The following PLA2G3 variants were observed in gnomAD, a reference collection of about 807,000 sequenced individuals.
The protein encoded by PLA2G3 is phospholipase A2 group III.
A neutral mutation model predicts 51.3 loss-of-function variants in PLA2G3; 39 were observed. That is an observed-to-expected ratio of 0.76 (90% CI 0.59 to 0.99). PLA2G3 has a LOEUF of 0.99. PLA2G3 is among the 50% of genes least tolerant of loss of function. The pLI, the probability that PLA2G3 is intolerant of heterozygous loss-of-function variation, is 0.00. For synonymous variants in PLA2G3, 293 were observed against 263.1 expected, an observed-to-expected ratio of 1.11 and a Z score of -1.10; for missense variants, 677 against 662.1, an observed-to-expected ratio of 1.02 and a Z score of -0.25.
chr22:31,138,535 T>C, intron 2 of PLA2G3, 125 bp from the exon 3 acceptor site: 2 of 1,500,586 alleles, frequency 1.3e-6, no homozygotes, highest in South Asian at 2.4e-5. Context: ...TGGCCTCAGC[T>C]TTCCTACCTG....
Position 31,136,677 on chromosome 22 carries a change from A to G in PLA2G3, c.1316+6T>C, listed in dbSNP as rs1922582064. ...CCCCATCCCTCCTGGCTCTGACATC[A>G]CTTACTTTTTGCCTTCCACACAGTC... On this transcript the variant is annotated splice_donor_region_variant and intron_variant, in intron 6 of 6. Transcript: ENST00000215885. 3 of 1,609,746 alleles carry G rather than the reference A, an allele frequency of 1.9e-6. No homozygotes were observed. The highest frequency in any genetic ancestry group is 1.1e-5 in the South Asian group (1 of 90,896).
intron 1 of PLA2G3, 45 bp downstream of exon 1, chr22:31,139,796 C>A (rs763033876): frequency 6.3e-6 from 9 of 1,419,728 alleles, no homozygotes; most frequent in Non-Finnish European, 8.8e-6. Flanking sequence ...AGAAACCTTG[C>A]TTCCCCGATC....
chr22:31,139,430 C>T (rs939276982), intron 1 of PLA2G3, among the ~76,000 whole-genome samples: 2 of 152,158 alleles, frequency 1.3e-5, no homozygotes, highest in Non-Finnish European at 2.9e-5. Context: ...GGAAATAAGT[C>T]CAGAGAGGGG....
Position 31,140,163 on chromosome 22 carries a change from C to G in PLA2G3, c.192G>C (p.Ala64=), listed in dbSNP as rs377694018. 2 of 1,612,454 alleles carry G rather than the reference C, an allele frequency of 1.2e-6. No individual in the cohort carries two copies. Among genetic ancestry groups the G allele is most frequent in the Non-Finnish European group, 1.7e-6 (2 of 1,179,882 alleles). ...AGCTACATGACTGCAGCCTCCTATG[C>G]GCATCCCAGCGGGCATGGATCAGGG... ...GLALIHARWD[A]HRRLQSCSWE... Residue 64 remains alanine (A), a synonymous_variant, in exon 1 of 7, where the codon GCG becomes GCC. Coordinates refer to ENST00000215885, the MANE Select transcript of PLA2G3 (RefSeq NM_015715.5).
chr22:31,138,846 G>A, intron 1 of PLA2G3, 47 bp from the exon 2 acceptor site: 1 of 1,605,716 alleles, frequency 6.2e-7, no homozygotes, highest in Middle Eastern at 1.9e-4. Flanking sequence ...AGGGTCCTAG[G>A]CATCATGCAC....
chr22:31,137,567 G>T, intron 4 of PLA2G3, 143 bp downstream of exon 4: 1 of 760,318 alleles, frequency 1.3e-6, no homozygotes, highest in Non-Finnish European at 2.2e-6. Context: ...AAAATCCTGT[G>T]CTGCAGTGTG....
rs150202365 is a variant in PLA2G3, at chr22:31,135,871, C to G, written c.1382G>C (p.Arg461Pro). ...TGTGCCTTTATCCTGGAGCTGGTGT[C>G]GCCTCTGCTGAAGCCTCCGCAAGTG... ...ARHLRRLQQR[R>P]HQLQDKGTDE... Residue 461 changes from arginine to proline, a missense_variant, in exon 7 of 7, where the codon CGA becomes CCA. Coordinates refer to ENST00000215885, the MANE Select transcript of PLA2G3 (RefSeq NM_015715.5). 6 of 1,613,736 alleles carry G rather than the reference C, an allele frequency of 3.7e-6. No homozygotes were observed. In the African/African-American group the frequency reaches 5.3e-5, roughly 14 times the overall value.
In PLA2G3 at chr22:31,136,906, A is replaced by G. The variant is rs887774412; in HGVS notation, c.1199+2T>C. The stretch of plus-strand genomic sequence containing the variant: ...CCCCGCGAGGGTTCAAAGGGGCCTC[A>G]CCGGCGCGTGCAGTTGCAGTGGAAG... On this transcript the variant is annotated splice_donor_variant, in intron 5 of 6. Transcript: ENST00000215885. LOFTEE classifies it high-confidence loss of function. 5.0e-6 allele frequency: 8 copies of G among 1,609,114 alleles called. No individual in the cohort carries two copies. The highest frequency in any genetic ancestry group is 6.8e-6 in the Non-Finnish European group (8 of 1,178,316).
chr22:31,135,799 G>A lies in PLA2G3; in HGVS notation c.1454C>T (p.Ser485Leu). The change falls in exon 7 of 7, where the codon TCA (serine) becomes TTA (leucine). Residue 485 changes from serine (S) to leucine (L), a missense_variant. Transcript: ENST00000215885. ...TAGCTGCAGGCACTGGTTGTAGAAT[G>A]ACATGGGGCCTCTCAGGGGCTCTGA... ...WPSEPLRGPM[S>L]FYNQCLQLTQ... 6.2e-7 allele frequency: 1 copy of A among 1,614,060 alleles called. No individual in the cohort carries two copies. The highest frequency in any genetic ancestry group is 8.5e-7 in the Non-Finnish European group (1 of 1,180,040).
rs958014297 is a variant in PLA2G3, at chr22:31,137,897, G to A, written c.879C>T (p.Ser293=). Residue 293 remains serine (S), a synonymous_variant, in exon 4 of 7, where the codon AGC becomes AGT. Transcript: ENST00000215885. ...WSSRATSPTP[S]SRSPAPPKPR... is the part of the protein sequence containing the mutation. ...GCTTGGGAGGGGCTGGGCTCCGGGA[G>A]CTGGGAGTTGGGGAGGTGGCCCGGG... The A allele has an allele frequency of 6.2e-7, 1 of 1,613,686 alleles. No individual in the cohort carries two copies. Among genetic ancestry groups the A allele is most frequent in the Non-Finnish European group, 8.5e-7 (1 of 1,179,902 alleles).
chr22:31,140,380 C>G lies in PLA2G3; in HGVS notation c.-26G>C. 6.5e-7 allele frequency: 1 copy of G among 1,539,636 alleles called. No individual in the cohort carries two copies. Among genetic ancestry groups the G allele is most frequent in the Non-Finnish European group, 8.7e-7 (1 of 1,151,264 alleles). Reference sequence around the variant, plus strand: ...TCTGCACTGGCCCAGTCCAGTCAGACAAAGCCCCTGGGATGCCTGCCCTTG... The same window carrying G: ...TCTGCACTGGCCCAGTCCAGTCAGAGAAAGCCCCTGGGATGCCTGCCCTTG... On this transcript the variant is annotated 5_prime_UTR_variant, in exon 1 of 7. Transcript: ENST00000215885.
chr22:31,138,912 G>T, intron 1 of PLA2G3, 113 bp from the exon 2 acceptor site: 2 of 976,940 alleles, frequency 2.0e-6, no homozygotes, highest in South Asian at 1.5e-5. Context: ...CCCCAGCCCT[G>T]ACACAAACGC....
chr22:31,137,356 T>C (rs1922634548), intron 4 of PLA2G3, among the ~76,000 whole-genome samples: 1 of 152,174 alleles, frequency 6.6e-6, no homozygotes, highest in Non-Finnish European at 1.5e-5. Flanking sequence ...GAACAGCATG[T>C]GCAAAGGCCT....
intron 6 of PLA2G3, among the ~76,000 whole-genome samples, 182 bp from the exon 7 acceptor site, chr22:31,136,118 G>A (rs1344112549): frequency 1.3e-5 from 2 of 152,218 alleles, no homozygotes; most frequent in African/African-American, 4.8e-5. Flanking sequence ...GGAGGCCTGG[G>A]TTCTGCCACT....
intron 1 of PLA2G3, among the ~76,000 whole-genome samples, chr22:31,139,571 C>T (rs1429661003): frequency 6.6e-6 from 1 of 152,110 alleles, no homozygotes. Flanking sequence ...GCTCAGTTGA[C>T]CCTGGATCCT....
intron 3 of PLA2G3, 71 bp from the exon 4 acceptor site, chr22:31,138,064 A>G: frequency 6.9e-7 from 1 of 1,453,262 alleles, no homozygotes; most frequent in Non-Finnish European, 9.2e-7. Context: ...GGTCGTCTCC[A>G]TGGAGATCAA....
rs1468436248 is a variant in PLA2G3, at chr22:31,135,751, T to A, written c.1502A>T (p.Asp501Val). 1 of 1,613,810 alleles carries A rather than the reference T, an allele frequency of 6.2e-7. No individual in the cohort carries two copies. Among genetic ancestry groups the A allele is most frequent in the Non-Finnish European group, 8.5e-7 (1 of 1,179,988 alleles). The change falls in exon 7 of 7, where the codon GAC (aspartate) becomes GTC (valine). Residue 501 changes from aspartate (D) to valine (V), a missense_variant. Asp to Val is a radical substitution (Grantham distance 152). Transcript: ENST00000215885. ...LQLTQAARRPDRQQKSWSQ is the reference protein window; with the variant it reads ...LQLTQAARRPVRQQKSWSQ ...CTGGCTCCAGGACTTCTGCTGCCTG[T>A]CGGGTCTCCTGGCTGCCTGGGTTAG...
chr22:31,137,052 A>T lies in PLA2G3; in HGVS notation c.1067-12T>A. 6.6e-7 allele frequency: 1 copy of T among 1,518,134 alleles called. No homozygotes were observed. Among genetic ancestry groups the T allele is most frequent in the Non-Finnish European group, 8.8e-7 (1 of 1,131,792 alleles). 94.0% of individuals were successfully genotyped at this position (1,518,134 alleles called of 1,614,324 possible). A position where few individuals can be genotyped will look rare whatever the true frequency, so the allele number is the denominator to read the frequency against. On this transcript the variant is annotated splice_polypyrimidine_tract_variant and intron_variant, in intron 4 of 6. Transcript: ENST00000215885. ...GACCCAGCGGGCACCTGAGGGGTGG[A>T]TGTGGTGTTGATGGGAGCCCAATCC...
chr22:31,137,754 G>A lies in PLA2G3; in HGVS notation c.1022C>T (p.Ala341Val), dbSNP rs746074396. ...DPMVSPRLDV[A>V]PTGLQGPQGG... ...CTGTGGGCCCTGGAGGCCTGTGGGG[G>A]CCACATCAAGCCTGGGAGAGACCAT... The change falls in exon 4 of 7, where the codon GCC becomes GTC. Residue 341 changes from alanine (A) to valine (V), a missense_variant. Coordinates refer to ENST00000215885, the MANE Select transcript of PLA2G3 (RefSeq NM_015715.5). 1.2e-6 allele frequency: 2 copies of A among 1,613,174 alleles called. No homozygotes were observed. Among genetic ancestry groups the A allele is most frequent in the African/African-American group, 1.3e-5 (1 of 74,888 alleles).
Sources: gnomAD v4.1 joint callset for allele counts (sites outside exome capture counted in the v4.1 genomes callset) on GRCh38, gnomAD v4.1.1 for gene constraint, MANE v1.5 for transcripts, NCBI Gene and HGNC (gene_info 2026-07-23, HGNC 2026-07-21) for gene names.